CEPT1: variants seen among roughly 807,000 people sequenced by gnomAD.
The protein encoded by CEPT1 is choline/ethanolaminephosphotransferase 1.
A neutral mutation model predicts 42.6 loss-of-function variants in CEPT1; 7 were observed. The observed-to-expected ratio is 0.16, with a 90% CI of 0.09 to 0.31. CEPT1 has a LOEUF of 0.31. Ranked by LOEUF, CEPT1 falls within the 10% of genes least tolerant of loss-of-function variation. The probability of loss-of-function intolerance (pLI) is 1.00; values close to 1 mark genes in which losing one functional copy is unlikely to be tolerated. For missense variants in CEPT1, 306 were observed against 502.1 expected (o/e 0.61, Z 3.73); for synonymous variants, 171 against 171.9 (o/e 0.99, Z 0.04).
intron 4 of CEPT1, 42 bp from the exon 5 acceptor site, chr1:111,174,837 T>C: frequency 1.7e-6 from 2 of 1,190,332 alleles, no homozygotes; most frequent in Admixed American, 1.7e-5. Flanking sequence ...CTTGAAATTG[T>C]TGTGACTAAT....
At chr1:111,146,569 C>T (rs142305673) in intron 1 of CEPT1, among the ~76,000 whole-genome samples, 1 of 152,114 alleles carries the variant, frequency 6.6e-6, no homozygotes, top group Non-Finnish European at 1.5e-5. Context: ...TTTTTACCAT[C>T]CTACTATAGG....
chr1:111,162,366 G>A (rs891046526), intron 4 of CEPT1, among the ~76,000 whole-genome samples: 1 of 152,216 alleles, frequency 6.6e-6, no homozygotes, highest in African/African-American at 2.4e-5. Flanking sequence ...AAATTGGAGA[G>A]AGACTTTTGA....
rs761061266 is a variant in CEPT1, at chr1:111,184,309, AAT to A, written c.1251_*1del. 1 of 1,610,570 alleles carries A rather than the reference AAT, an allele frequency of 6.2e-7. No homozygotes were observed. Among genetic ancestry groups the A allele is most frequent in the Non-Finnish European group, 8.5e-7 (1 of 1,177,706 alleles). On this transcript the variant is annotated stop_retained_variant and 3_prime_UTR_variant, in exon 9 of 9. Transcript: ENST00000357172. ...TCTACAGCTCATTCTAATCATCATT[AAT>A]GATGTAATTGGTATATAGGAACATC...
At chr1:111,174,552 C>T (rs983688369) in intron 4 of CEPT1, among the ~76,000 whole-genome samples, 4 of 150,684 alleles carry the variant, frequency 2.7e-5, no homozygotes, top group Non-Finnish European at 5.9e-5. Context: ...GCTTGATACT[C>T]AAAATTTAAT....
chr1:111,153,426 C>T (rs1196001883), intron 2 of CEPT1, among the ~76,000 whole-genome samples: 1 of 152,088 alleles, frequency 6.6e-6, no homozygotes, highest in Non-Finnish European at 1.5e-5. Context: ...TCAGATAATC[C>T]ACCTGCCTCA....
intron 2 of CEPT1, among the ~76,000 whole-genome samples, chr1:111,158,856 C>G (rs1655712098): frequency 6.8e-6 from 1 of 147,482 alleles, no homozygotes; most frequent in African/African-American, 2.5e-5. Context: ...TATCTAGCAT[C>G]TGCCTGAACA....
rs78051509 is a variant in CEPT1 at position 111,159,682 on chromosome 1, ATTATTGGTAGTG to A, written c.487+159_487+170del. ...CTATGAACCTAGTTAATATTTGTTC[ATTATTGGTAGTG>A]TTAGGAAATTTAGAAATTACTTTCT... On this transcript the variant is annotated intron_variant, in intron 3 of 8. Coordinates refer to ENST00000357172, the MANE Select transcript of CEPT1 (RefSeq NM_006090.5). 8.6e-3 allele frequency: 4,697 copies of A among 545,558 alleles called. 38 individuals are homozygous for A. Among genetic ancestry groups the A allele is most frequent in the South Asian group, 0.018 (598 of 33,062 alleles). 33.8% of individuals were successfully genotyped at this position (545,558 alleles called of 1,614,324 possible). A position where few individuals can be genotyped will look rare whatever the true frequency, so the allele number is the denominator to read the frequency against.
intron 1 of CEPT1, among the ~76,000 whole-genome samples, chr1:111,144,499 G>C (rs1654843490): frequency 1.3e-5 from 2 of 152,172 alleles, no homozygotes; most frequent in African/African-American, 4.8e-5. Context: ...TCAAAATGTA[G>C]ATGTTTATAA....
intron 5 of CEPT1, among the ~76,000 whole-genome samples, chr1:111,175,901 A>T (rs1378214166): frequency 6.6e-6 from 1 of 152,186 alleles, no homozygotes; most frequent in Non-Finnish European, 1.5e-5. Context: ...CTTAACAAAG[A>T]AAAGATTTAC....
intron 5 of CEPT1, among the ~76,000 whole-genome samples, chr1:111,176,855 GGCATCA>G: frequency 6.6e-6 from 1 of 152,106 alleles, no homozygotes; most frequent in Non-Finnish European, 1.5e-5. Context: ...TCTGTGGTTT[GGCATCA>G]GTGTTACTCC....
chr1:111,167,828 TTTG>T (rs1222951722), intron 4 of CEPT1: 2 of 785,374 alleles, frequency 2.5e-6, no homozygotes, highest in Non-Finnish European at 3.1e-6. Flanking sequence ...CCTTTTTTGT[TTTG>T]TTTTCTTTTC....
chr1:111,182,348 G>T (rs764249011), intron 6 of CEPT1, 30 bp downstream of exon 6: 2 of 1,600,616 alleles, frequency 1.2e-6, no homozygotes, highest in Non-Finnish European at 1.7e-6. Flanking sequence ...TTCAACACTT[G>T]TTTACACTAG....
intron 5 of CEPT1, among the ~76,000 whole-genome samples, chr1:111,176,664 A>G: frequency 6.6e-6 from 1 of 152,208 alleles, no homozygotes; most frequent in East Asian, 1.9e-4. Flanking sequence ...ACATGATGAG[A>G]TATCTTGGTA....
chr1:111,140,958 G>A (rs1316734404), intron 1 of CEPT1, among the ~76,000 whole-genome samples: 1 of 152,162 alleles, frequency 6.6e-6, no homozygotes, highest in African/African-American at 2.4e-5. Flanking sequence ...TGCATGAACG[G>A]GATCTTTAGC....
chr1:111,183,396 GA>G, intron 7 of CEPT1, 65 bp from the exon 8 acceptor site: 1 of 1,538,250 alleles, frequency 6.5e-7, no homozygotes, highest in South Asian at 1.1e-5. Context: ...AGCACAATAT[GA>G]TTTACTGTGT....
chr1:111,174,013 C>G (rs1460153603), intron 4 of CEPT1, among the ~76,000 whole-genome samples: 1 of 152,032 alleles, frequency 6.6e-6, no homozygotes, highest in Non-Finnish European at 1.5e-5. Context: ...CTTGTACAAA[C>G]ATCATTTTGT....
chr1:111,160,971 G>T, intron 3 of CEPT1, 184 bp from the exon 4 acceptor site: 13 of 481,406 alleles, frequency 2.7e-5, no homozygotes, highest in Non-Finnish European at 4.3e-5. Flanking sequence ...AAAAAAAAAA[G>T]AGAGATTGAA....
chr1:111,148,092 C>T (rs778152105), intron 2 of CEPT1, 39 bp downstream of exon 2: 6 of 1,493,276 alleles, frequency 4.0e-6, no homozygotes, highest in Non-Finnish European at 5.6e-6. Flanking sequence ...TTGCTATATA[C>T]CAAAAACGTT....
intron 4 of CEPT1, 130 bp from the exon 5 acceptor site, chr1:111,174,749 C>T (rs1656592141): frequency 1.9e-6 from 1 of 529,496 alleles, no homozygotes; most frequent in Non-Finnish European, 3.4e-6. Flanking sequence ...GCCTCCTTTT[C>T]CCCTTTCCTC....
Sources: allele counts gnomAD v4.1 joint callset (sites outside exome capture counted in the v4.1 genomes callset), GRCh38; gene constraint gnomAD v4.1.1; transcripts MANE v1.5; gene names NCBI Gene and HGNC (gene_info 2026-07-23, HGNC 2026-07-21).